BLMH: variants seen among roughly 807,000 people sequenced by gnomAD.
BLMH encodes bleomycin hydrolase, also known as BLM hydrolase.
BLMH carries 32 observed loss-of-function variants against 61.6 expected under a neutral mutation model. That is an observed-to-expected ratio of 0.52 (90% CI 0.39 to 0.70). The LOEUF (loss-of-function observed/expected upper bound fraction) is 0.70, where lower values mean the gene tolerates loss of function less well. Ranked by LOEUF, BLMH falls within the 30% of genes least tolerant of loss-of-function variation. The pLI is 0.00. For synonymous variants in BLMH, 183 were observed against 193.8 expected, an observed-to-expected ratio of 0.94 and a Z score of 0.46; for missense variants, 460 against 555.5, an observed-to-expected ratio of 0.83 and a Z score of 1.73.
chr17:30,286,981 T>C (rs1367255050), intron 4 of BLMH, 79 bp from the exon 5 acceptor site: 13 of 899,808 alleles, frequency 1.4e-5, no homozygotes, highest in East Asian at 2.5e-5. Context: ...TTTCAAAAAA[T>C]AGGCGATATT....
At chr17:30,288,693 G>A (rs1218652224) in intron 3 of BLMH, among the ~76,000 whole-genome samples, 4 of 152,108 alleles carry the variant, frequency 2.6e-5, no homozygotes, top group Non-Finnish European at 5.9e-5. Flanking sequence ...GGCCAGGAGT[G>A]GTGGCTCACA....
At chr17:30,268,724 A>T (rs1908179346) in intron 10 of BLMH, among the ~76,000 whole-genome samples, 1 of 151,052 alleles carries the variant, frequency 6.6e-6, no homozygotes, top group African/African-American at 2.5e-5. Flanking sequence ...TTGTTTTTTT[A>T]AAAACAAACA....
intron 5 of BLMH, 168 bp from the exon 6 acceptor site, chr17:30,285,648 C>G: frequency 2.1e-6 from 1 of 472,702 alleles, no homozygotes; most frequent in Non-Finnish European, 3.7e-6. Context: ...AAACACATAG[C>G]TAAAAATGCT....
chr17:30,264,514 A>G (rs965285771), intron 11 of BLMH, among the ~76,000 whole-genome samples: 2 of 152,252 alleles, frequency 1.3e-5, no homozygotes, highest in Admixed American at 6.5e-5. Flanking sequence ...ATTTAGGTTC[A>G]AAATAATAAA....
intron 3 of BLMH, among the ~76,000 whole-genome samples, chr17:30,288,693 G>C (rs1218652224): frequency 2.0e-5 from 3 of 152,108 alleles, no homozygotes. Flanking sequence ...GGCCAGGAGT[G>C]GTGGCTCACA....
intron 6 of BLMH, among the ~76,000 whole-genome samples, chr17:30,282,624 C>T (rs1908623625): frequency 6.6e-6 from 1 of 152,210 alleles, no homozygotes; most frequent in African/African-American, 2.4e-5. Flanking sequence ...TCTGCCTTGC[C>T]TGTCATCTCA....
intron 3 of BLMH, among the ~76,000 whole-genome samples, chr17:30,288,656 C>T (rs375864666): frequency 6.6e-6 from 1 of 151,768 alleles, no homozygotes; most frequent in Non-Finnish European, 1.5e-5. Flanking sequence ...CAGTAATATA[C>T]ATTTTGAAGA....
At chr17:30,289,110 T>C (rs1045516273) in intron 3 of BLMH, among the ~76,000 whole-genome samples, 2 of 152,126 alleles carry the variant, frequency 1.3e-5, no homozygotes, top group Admixed American at 1.3e-4. Context: ...GAATATTGAA[T>C]ATAAAATTTA....
At chr17:30,253,810 T>C (rs958767849) in intron 11 of BLMH, among the ~76,000 whole-genome samples, 2 of 152,230 alleles carry the variant, frequency 1.3e-5, no homozygotes, top group Admixed American at 6.5e-5. Context: ...TAATGTCTTG[T>C]TTACATGCGA....
At chr17:30,287,759 T>G in intron 4 of BLMH, 47 bp downstream of exon 4, 1 of 1,605,182 alleles carries the variant, frequency 6.2e-7, no homozygotes, top group African/African-American at 1.3e-5. Context: ...ACTACAGGCT[T>G]ACTTAATCAT....
At chr17:30,275,741 A>T (rs191000016) in intron 6 of BLMH, among the ~76,000 whole-genome samples, 1 of 151,996 alleles carries the variant, frequency 6.6e-6, no homozygotes, top group Non-Finnish European at 1.5e-5. Flanking sequence ...CTGCACAAGG[A>T]CAGAATAAAG....
chr17:30,265,929 T>TA (rs1416393400), intron 11 of BLMH, among the ~76,000 whole-genome samples: 9 of 152,230 alleles, frequency 5.9e-5, no homozygotes, highest in African/African-American at 2.2e-4. Context: ...CCTAAACTGT[T>TA]AATCAACAGT....
At chr17:30,253,386 G>A (rs1907723265) in intron 11 of BLMH, among the ~76,000 whole-genome samples, 1 of 152,184 alleles carries the variant, frequency 6.6e-6, no homozygotes, top group African/African-American at 2.4e-5. Flanking sequence ...GCCTTGATTA[G>A]TCTCTCTCTT....
intron 11 of BLMH, among the ~76,000 whole-genome samples, chr17:30,254,419 T>A (rs2143019646): frequency 6.6e-6 from 1 of 152,310 alleles, no homozygotes; most frequent in East Asian, 1.9e-4. Flanking sequence ...GGCACTTGTC[T>A]TATATTTCAA....
rs190498822 is a variant in BLMH, at chr17:30,285,415, C to T, written c.618G>A (p.Ser206=). ...VHSGATKGEI[S]ATQDVMMEEI... ...CCTCCATCATGACGTCCTGTGTGGC[C>T]GAGATTTCTCCTTTGGTTGCTCCAC... The change falls in exon 6 of 12, where the codon TCG becomes TCA. Residue 206 remains serine, a synonymous_variant. Coordinates refer to ENST00000261714, the MANE Select transcript of BLMH (RefSeq NM_000386.4). 17 of 1,611,852 alleles carry T rather than the reference C, an allele frequency of 1.1e-5. No individual in the cohort carries two copies. The East Asian group carries it at 2.9e-4, about 28-fold the overall frequency.
At position 30,271,366 on chromosome 17, in the gene BLMH, C is replaced by T. The variant is rs758770364; in HGVS notation, c.1051G>A (p.Gly351Ser). The change falls in exon 10 of 12, where the codon GGT becomes AGT. Residue 351 changes from glycine (G) to serine (S), a missense_variant. Gly to Ser is a moderately conservative substitution (Grantham distance 56, BLOSUM62 0). This residue lies in a region of BLMH where 310 missense variants were observed against 371.1 expected (regional missense o/e 0.84). Coordinates refer to ENST00000261714, the MANE Select transcript of BLMH (RefSeq NM_000386.4). ...MNLYDHELVF[G>S]VSLKNMNKAE... ...TTATTCATGTTCTTCAAGGAGACAC[C>T]AAACACTAACTCATGGTCATAGCTG... 1.9e-6 allele frequency: 3 copies of T among 1,613,638 alleles called. No individual in the cohort carries two copies. The highest frequency in any genetic ancestry group is 1.3e-5 in the African/African-American group (1 of 74,878).
At chr17:30,256,641 T>A (rs895588865) in intron 11 of BLMH, among the ~76,000 whole-genome samples, 7 of 152,162 alleles carry the variant, frequency 4.6e-5, no homozygotes, top group African/African-American at 1.7e-4. Context: ...ATTTTTTGTT[T>A]TTATTAAGTC....
chr17:30,269,386 G>A (rs138247163), intron 10 of BLMH, among the ~76,000 whole-genome samples: 60 of 151,776 alleles, frequency 4.0e-4, no homozygotes, highest in African/African-American at 1.1e-3. Flanking sequence ...TCGCCATGTC[G>A]GTCAGGCTAG....
chr17:30,268,098 G>C (rs1908159413), intron 10 of BLMH, among the ~76,000 whole-genome samples: 1 of 152,200 alleles, frequency 6.6e-6, no homozygotes, highest in Non-Finnish European at 1.5e-5. Context: ...ACATTCTGCA[G>C]CTGGCATATT....
Sources: allele counts gnomAD v4.1 joint callset (sites outside exome capture counted in the v4.1 genomes callset), GRCh38; gene constraint gnomAD v4.1.1; regional missense constraint gnomAD v4.1.1; transcripts MANE v1.5; gene names NCBI Gene and HGNC (gene_info 2026-07-23, HGNC 2026-07-21).